Variants in MED23 observed in about 807,000 individuals in gnomAD.
MED23 encodes the protein mediator of RNA polymerase II transcription subunit 23.
In MED23, 105 loss-of-function variants were observed where a neutral mutation model predicts 163.9. The observed-to-expected ratio is 0.64, with a 90% CI of 0.55 to 0.75. The LOEUF is 0.75. MED23 is among the 30% of genes least tolerant of loss of function. The pLI is 0.00. For missense variants in MED23, 1,054 were observed against 1,649.0 expected, an observed-to-expected ratio of 0.64 and a Z score of 6.25; for synonymous variants, 561 against 565.6, an observed-to-expected ratio of 0.99 and a Z score of 0.12.
chr6:131,588,403 C>A (rs1774332546), intron 28 of MED23, among the ~76,000 whole-genome samples: 1 of 152,214 alleles, frequency 6.6e-6, no homozygotes, highest in African/African-American at 2.4e-5. Context: ...CAAGTCGTTT[C>A]ACAGCTTTCT....
At chr6:131,583,753 G>A, downstream of MED23, 2 of 1,613,918 alleles carry the variant, frequency 1.2e-6, no homozygotes. Context: ...GCTACTCTCA[G>A]GATTAGATAT....
intron 24 of MED23, 57 bp downstream of exon 24, chr6:131,592,949 A>G (rs1774756569): frequency 6.3e-7 from 1 of 1,599,166 alleles, no homozygotes; most frequent in East Asian, 2.2e-5. Context: ...TTGAAATAGA[A>G]TACCATTCTA....
rs1384438350 is a variant in MED23, at chr6:131,579,107, T to A, written c.4096-4812A>T. 6 of 1,613,948 alleles carry A rather than the reference T, an allele frequency of 3.7e-6. No homozygotes were observed. In the Admixed American group the frequency reaches 8.3e-5, roughly 22 times the overall value. ...TTTAGTAACTCAAAACTTTTTAATT[T>A]TAGAGTGTGATGTGAAGGATTATGG... On this transcript the variant is annotated intron_variant, in intron 30 of 30. Coordinates refer to the MED23 transcript ENST00000354577.
At chr6:131,615,842 G>T in intron 10 of MED23, 65 bp downstream of exon 10, 2 of 1,225,400 alleles carry the variant, frequency 1.6e-6, no homozygotes, top group Non-Finnish European at 1.2e-6. Flanking sequence ...CTATAGCAAA[G>T]AAAAGAGAAA....
downstream of MED23, chr6:131,583,179 T>C: frequency 6.2e-7 from 1 of 1,608,938 alleles, no homozygotes. Context: ...GATTCTTTTG[T>C]GTGTGCACAC....
intron 10 of MED23, among the ~76,000 whole-genome samples, chr6:131,614,726 C>A: frequency 6.6e-6 from 1 of 152,104 alleles, no homozygotes; most frequent in South Asian, 2.1e-4. Flanking sequence ...TTAGTCAATC[C>A]CCATGTTTCC....
chr6:131,590,295 T>A lies in MED23; in HGVS notation c.3807+27A>T, dbSNP rs750977387. 7 of 1,601,210 alleles carry A rather than the reference T, an allele frequency of 4.4e-6. No individual in the cohort carries two copies. The South Asian group carries it at 6.6e-5, about 15-fold the overall frequency. On this transcript the variant is annotated intron_variant, in intron 27 of 28. Coordinates refer to ENST00000368068, the MANE Select transcript of MED23 (RefSeq NM_004830.4). ...ATAGATACTTCAGAATTTAATCATGTCACAGGAAACCCAGATTATATTTTA... is the reference window on the plus strand; with the variant it reads ...ATAGATACTTCAGAATTTAATCATGACACAGGAAACCCAGATTATATTTTA...
At chr6:131,579,386 CCT>C (rs1162875880) in intron 30 of MED23, 29 of 1,343,374 alleles carry the variant, frequency 2.2e-5, no homozygotes, top group Non-Finnish European at 2.9e-5. Context: ...AAAGCATTGA[CCT>C]ATATTTTATA....
intron 10 of MED23, 102 bp from the exon 11 acceptor site, chr6:131,610,348 G>A (rs1358246238): frequency 1.2e-5 from 14 of 1,138,410 alleles, no homozygotes; most frequent in South Asian, 6.6e-5. Flanking sequence ...TGAGAAGCAC[G>A]GAATGAAGTT....
In MED23 at chr6:131,581,085, T is replaced by C. The variant is rs1206240071; in HGVS notation, c.4095+6624A>G. On this transcript the variant is annotated intron_variant, in intron 30 of 30. Transcript: ENST00000354577. Reference sequence around the variant, plus strand: ...TCTATTGTTTTAACTAATTGGCATCTCCAATTCAGAACCTATCAGAAATAT... The same window carrying C: ...TCTATTGTTTTAACTAATTGGCATCCCCAATTCAGAACCTATCAGAAATAT... 3.6e-6 allele frequency: 3 copies of C among 839,174 alleles called. No individual in the cohort carries two copies. In the Admixed American group the frequency reaches 5.9e-5, roughly 16 times the overall value. 52.0% of individuals were successfully genotyped at this position (839,174 alleles called of 1,614,324 possible).
Position 131,619,910 on chromosome 6 carries a change from GA to G in MED23, c.598-15del, listed in dbSNP as rs763807091. 2.5e-6 allele frequency: 4 copies of G among 1,580,376 alleles called. No individual in the cohort carries two copies. In the South Asian group the frequency reaches 4.4e-5, roughly 17 times the overall value. On this transcript the variant is annotated splice_polypyrimidine_tract_variant and intron_variant, in intron 7 of 28. Coordinates refer to ENST00000368068, the MANE Select transcript of MED23 (RefSeq NM_004830.4). ...GTTTCCAAGTAACTAAAGAGAGAAA[GA>G]AAGAGGGAAGTCAAATAAATACGTA...
chr6:131,578,362 G>T (rs1471797040), intron 30 of MED23, among the ~76,000 whole-genome samples: 1 of 151,944 alleles, frequency 6.6e-6, no homozygotes. Context: ...ATATTTAATG[G>T]CCAATTAGTT....
At chr6:131,574,792 A>C (rs1242235224) in intron 30 of MED23, among the ~76,000 whole-genome samples, 5 of 152,248 alleles carry the variant, frequency 3.3e-5, no homozygotes, top group Non-Finnish European at 5.9e-5. Context: ...AAAGGCTTGC[A>C]AGGCAGCGAA....
chr6:131,603,940 C>T (rs993721829), intron 15 of MED23, among the ~76,000 whole-genome samples: 7 of 152,128 alleles, frequency 4.6e-5, no homozygotes, highest in African/African-American at 1.7e-4. Context: ...TTTCTTACCA[C>T]TTTACTTAAA....
chr6:131,622,080 C>T, intron 5 of MED23, 101 bp from the exon 6 acceptor site: 2 of 769,550 alleles, frequency 2.6e-6, no homozygotes, highest in Non-Finnish European at 4.4e-6. Flanking sequence ...CAAGGTCACA[C>T]CTTTAAATTT....
intron 12 of MED23, among the ~76,000 whole-genome samples, chr6:131,607,261 C>G (rs909924811): frequency 2.0e-5 from 3 of 151,000 alleles, no homozygotes; most frequent in Admixed American, 2.0e-4. Context: ...TACAGTAACC[C>G]CATCATGTTA....
chr6:131,608,159 T>G, intron 11 of MED23, 88 bp from the exon 12 acceptor site: 1 of 1,448,326 alleles, frequency 6.9e-7, no homozygotes, highest in African/African-American at 1.9e-5. Flanking sequence ...GTTTTTGTTT[T>G]TAAGGAGAAA....
Position 131,598,349 on chromosome 6 carries a change from T to G in MED23, c.2545A>C (p.Ile849Leu). Residue 849 changes from isoleucine to leucine, a missense_variant, in exon 20 of 29, where the codon ATT becomes CTT. Ile to Leu is a conservative substitution (Grantham distance 5, BLOSUM62 2). Around this residue, in one of 11 missense-constraint regions of MED23, gnomAD observed 228 missense variants for 461.3 expected, o/e 0.49. Transcript: ENST00000368068. This position sits in a 1 kb window ranked among gnomAD's most constrained non-coding sequence, Gnocchi z 4.7. Reference protein sequence around the residue: ...GGQQLNKCIEILNDMVWKYNI... With the variant: ...GGQQLNKCIELLNDMVWKYNI... ...TACTTCCATACCATGTCATTAAGAA[T>G]TTCAATGCATTTATTGAGTTGCTGA... The G allele has an allele frequency of 6.2e-7, 1 of 1,614,088 alleles. No individual in the cohort carries two copies. The highest frequency in any genetic ancestry group is 8.5e-7 in the Non-Finnish European group (1 of 1,179,966).
At chr6:131,626,012 C>T (rs574218851) in intron 3 of MED23, among the ~76,000 whole-genome samples, 4 of 150,884 alleles carry the variant, frequency 2.7e-5, no homozygotes, top group African/African-American at 7.3e-5. Flanking sequence ...GTCCCAGCTA[C>T]TCGGGAGGCT....
Sources: allele counts gnomAD v4.1 joint callset (sites outside exome capture counted in the v4.1 genomes callset), GRCh38; gene constraint gnomAD v4.1.1; regional missense constraint gnomAD v4.1.1; non-coding constraint Gnocchi (gnomAD v3.1); transcripts MANE v1.5; gene names NCBI Gene and HGNC (gene_info 2026-07-23, HGNC 2026-07-21).